Variants in TTC29 observed in about 807,000 individuals in gnomAD.
TTC29 encodes tetratricopeptide repeat domain 29.
Under a neutral mutation model 58.1 loss-of-function variants are expected in TTC29, and 49 were observed. That is an observed-to-expected ratio of 0.84 (90% CI 0.67 to 1.07). The LOEUF is 1.07. TTC29 is among the 50% of genes least tolerant of loss of function. The pLI is 0.00. For synonymous variants in TTC29, 209 were observed against 196.8 expected (o/e 1.06, Z -0.52); for missense variants, 582 against 555.6 (o/e 1.05, Z -0.48).
intron 11 of TTC29, among the ~76,000 whole-genome samples, chr4:146,738,671 G>A (rs930469963): frequency 6.6e-6 from 1 of 152,096 alleles, no homozygotes; most frequent in Admixed American, 6.5e-5. Context: ...TAGGCTTCAG[G>A]AAACAGAATC....
intron 7 of TTC29, among the ~76,000 whole-genome samples, chr4:146,870,433 G>A (rs1249560518): frequency 4.0e-5 from 6 of 151,370 alleles, no homozygotes; most frequent in African/African-American, 1.5e-4. Flanking sequence ...TATAAAACTA[G>A]AAAAAGAGGA....
At position 146,883,386 on chromosome 4, in the gene TTC29, T is replaced by C. The variant is rs113748491; in HGVS notation, c.587-8458A>G. Among the ~76,000 whole-genome samples the C allele has an allele frequency of 4.4e-3, 616 of 139,690 alleles. 6 individuals are homozygous for C. The highest frequency in any genetic ancestry group is 0.014 in the African/African-American group (556 of 39,982). The allele number at this position is 139,690 out of a possible 152,430, so 91.6% of individuals were successfully genotyped here. A position where few individuals can be genotyped will look rare whatever the true frequency, so the allele number is the denominator to read the frequency against. Reference sequence around the variant, plus strand: ...CAATAACTTTTCACGTGGAGTTATATAGTTTCTTTTTGTTTTTTTTTCAAG... The same window carrying C: ...CAATAACTTTTCACGTGGAGTTATACAGTTTCTTTTTGTTTTTTTTTCAAG... On this transcript the variant is annotated intron_variant, in intron 6 of 12. Coordinates refer to ENST00000325106, the MANE Select transcript of TTC29 (RefSeq NM_031956.4).
At chr4:146,736,919 C>A (rs1371997602) in intron 11 of TTC29, among the ~76,000 whole-genome samples, 1 of 152,128 alleles carries the variant, frequency 6.6e-6, no homozygotes, top group Non-Finnish European at 1.5e-5. Flanking sequence ...CTGTGAGGTG[C>A]TGCTGGATTC....
intron 11 of TTC29, among the ~76,000 whole-genome samples, chr4:146,789,655 T>C (rs200149262): frequency 6.6e-6 from 1 of 152,192 alleles, no homozygotes; most frequent in East Asian, 1.9e-4. Context: ...AATTGAAATA[T>C]GAAATAGACT....
intron 11 of TTC29, among the ~76,000 whole-genome samples, chr4:146,760,821 CTATA>C (rs551615845): frequency 7.1e-4 from 99 of 139,930 alleles, no homozygotes; most frequent in African/African-American, 2.5e-3. Flanking sequence ...TGATGGAATA[CTATA>C]TATATATATG....
In TTC29 at chr4:146,827,704, T is replaced by C. The variant is rs184224413; in HGVS notation, c.977+6102A>G. 2.1e-3 allele frequency among the ~76,000 whole-genome samples: 316 copies of C among 152,308 alleles called. 4 individuals carry two copies. Among genetic ancestry groups the C allele is most frequent in the Non-Finnish European group, 3.0e-3 (204 of 68,036 alleles). On this transcript the variant is annotated intron_variant, in intron 9 of 12. Transcript: ENST00000325106. ...TGGGATTAAAAATTGTGTAAATGTA[T>C]AGCTTGGCATGTAGTAGGGATTCAA...
chr4:146,774,322 G>A (rs1579641578), intron 11 of TTC29, among the ~76,000 whole-genome samples: 2 of 152,088 alleles, frequency 1.3e-5, no homozygotes, highest in South Asian at 2.1e-4. Context: ...GTGATGTTAT[G>A]TTGTTAATGA....
At chr4:146,906,915 A>G (rs143345702) in intron 5 of TTC29, among the ~76,000 whole-genome samples, 1 of 152,264 alleles carries the variant, frequency 6.6e-6, no homozygotes, top group African/African-American at 2.4e-5. Context: ...TGAGGTTAGG[A>G]GTTCGAGACC....
intron 8 of TTC29, among the ~76,000 whole-genome samples, chr4:146,836,946 A>G (rs56002653): frequency 0.033 from 5,070 of 152,166 alleles, 136 homozygotes; most frequent in East Asian, 0.14. Context: ...TGATTCCTCA[A>G]AGGGCTAGAA....
At chr4:146,866,151 A>G (rs1020665335) in intron 8 of TTC29, among the ~76,000 whole-genome samples, 7 of 152,142 alleles carry the variant, frequency 4.6e-5, no homozygotes, top group Admixed American at 1.3e-4. Flanking sequence ...AAGGAAAGAA[A>G]ATTTAGTTTT....
At chr4:146,882,704 G>A (rs554736581) in intron 6 of TTC29, among the ~76,000 whole-genome samples, 139 of 152,138 alleles carry the variant, frequency 9.1e-4, no homozygotes, top group African/African-American at 3.2e-3. Flanking sequence ...AGAAAGGTGC[G>A]GAAGCATCTA....
intron 8 of TTC29, among the ~76,000 whole-genome samples, chr4:146,867,291 A>T (rs887172066): frequency 4.6e-5 from 7 of 152,152 alleles, no homozygotes; most frequent in East Asian, 1.9e-4. Context: ...ATAGTAATTG[A>T]TTACATACCA....
chr4:146,723,266 T>A (rs1442182400), intron 11 of TTC29, among the ~76,000 whole-genome samples: 4 of 151,778 alleles, frequency 2.6e-5, no homozygotes, highest in African/African-American at 9.7e-5. Flanking sequence ...AAATTAAATG[T>A]AAGACCTCAA....
At chr4:146,794,811 A>C (rs1477171934) in intron 11 of TTC29, among the ~76,000 whole-genome samples, 3 of 152,234 alleles carry the variant, frequency 2.0e-5, no homozygotes, top group African/African-American at 7.2e-5. Flanking sequence ...ATTTAATTTT[A>C]AGTTCCAGGG....
intron 11 of TTC29, 115 bp downstream of exon 11, chr4:146,803,342 T>G (rs560221458): frequency 3.9e-6 from 3 of 761,096 alleles, no homozygotes; most frequent in Non-Finnish European, 6.3e-6. Flanking sequence ...TCCATAAAAT[T>G]GAAATTACCA....
intron 10 of TTC29, among the ~76,000 whole-genome samples, chr4:146,818,326 T>G (rs1197670629): frequency 6.6e-6 from 1 of 152,132 alleles, no homozygotes; most frequent in Non-Finnish European, 1.5e-5. Flanking sequence ...AAAATACACA[T>G]GAGAAAATGC....
rs1449157510 is a variant in TTC29 at position 146,803,477 on chromosome 4, A to G, written c.1310T>C (p.Ile437Thr). Reference protein sequence around the residue: ...LLSWKESRGNIEPDPVTEEFR... With the variant: ...LLSWKESRGNTEPDPVTEEFR... ...CTTACCAGTAACTGGATCAGGTTCA[A>G]TGTTACCTCTGCTCTCCTTCCATGA... The change falls in exon 11 of 13, where the codon ATT (isoleucine) becomes ACT (threonine). Residue 437 changes from isoleucine to threonine, a missense_variant. Transcript: ENST00000325106. 20 of 1,587,658 alleles carry G rather than the reference A, an allele frequency of 1.3e-5. No individual in the cohort carries two copies. Among genetic ancestry groups the G allele is most frequent in the Non-Finnish European group, 1.7e-5 (20 of 1,164,842 alleles).
At chr4:146,849,690 C>T (rs1729394137) in intron 8 of TTC29, among the ~76,000 whole-genome samples, 1 of 152,042 alleles carries the variant, frequency 6.6e-6, no homozygotes, top group Non-Finnish European at 1.5e-5. Flanking sequence ...AAAAGTCATG[C>T]TTGAAAATGA....
At chr4:146,712,085 C>T (rs1390995222) in intron 11 of TTC29, among the ~76,000 whole-genome samples, 1 of 151,932 alleles carries the variant, frequency 6.6e-6, no homozygotes, top group Non-Finnish European at 1.5e-5. Context: ...TGTATAGGTT[C>T]ACTCATTTAA....
Sources: allele counts gnomAD v4.1 joint callset (sites outside exome capture counted in the v4.1 genomes callset), GRCh38; gene constraint gnomAD v4.1.1; transcripts MANE v1.5; gene names NCBI Gene and HGNC (gene_info 2026-07-23, HGNC 2026-07-21).